SIL1: variants seen among roughly 807,000 people sequenced by gnomAD.
SIL1 encodes the protein SIL1 nucleotide exchange factor, also known as nucleotide exchange factor SIL1.
In SIL1, 40 loss-of-function variants were observed where a neutral mutation model predicts 49.1. That is an observed-to-expected ratio of 0.81 (90% CI 0.63 to 1.06). The LOEUF is 1.06. SIL1 is among the 50% of genes least tolerant of loss of function. The pLI, the probability that SIL1 is intolerant of heterozygous loss-of-function variation, is 0.00. For synonymous variants in SIL1, 253 were observed against 250.8 expected, an observed-to-expected ratio of 1.01 and a Z score of -0.08; for missense variants, 500 against 572.6, an observed-to-expected ratio of 0.87 and a Z score of 1.29.
At chr5:139,115,213 C>G (rs940357809) in intron 3 of SIL1, among the ~76,000 whole-genome samples, 1 of 152,152 alleles carries the variant, frequency 6.6e-6, no homozygotes, top group Non-Finnish European at 1.5e-5. Flanking sequence ...CTTTGCCCCC[C>G]TTAGTCTCAC....
chr5:139,136,203 C>T (rs1400308494), intron 1 of SIL1, among the ~76,000 whole-genome samples: 1 of 152,204 alleles, frequency 6.6e-6, no homozygotes, highest in African/African-American at 2.4e-5. Flanking sequence ...AAGGCTCAAT[C>T]TTTATTTGGA....
chr5:139,075,598 T>C (rs1561852584), intron 3 of SIL1, among the ~76,000 whole-genome samples: 1 of 152,128 alleles, frequency 6.6e-6, no homozygotes, highest in East Asian at 1.9e-4. Flanking sequence ...GAGCATGTCA[T>C]AGGGAATAAA....
At chr5:138,959,118 T>C (rs921814302) in intron 7 of SIL1, among the ~76,000 whole-genome samples, 3 of 152,198 alleles carry the variant, frequency 2.0e-5, no homozygotes, top group South Asian at 2.1e-4. Flanking sequence ...GTACAAGATA[T>C]TGCTCTTTTC....
chr5:139,150,408 A>C (rs1751272983), intron 1 of SIL1, among the ~76,000 whole-genome samples: 1 of 152,022 alleles, frequency 6.6e-6, no homozygotes, highest in Non-Finnish European at 1.5e-5. Flanking sequence ...CCTGTCTTCT[A>C]TCCCCTACTC....
At chr5:138,964,334 G>A (rs1767089467) in intron 7 of SIL1, among the ~76,000 whole-genome samples, 1 of 152,162 alleles carries the variant, frequency 6.6e-6, no homozygotes, top group South Asian at 2.1e-4. Flanking sequence ...ACAGAGACGC[G>A]CAGAGAGCCA....
intron 7 of SIL1, among the ~76,000 whole-genome samples, chr5:138,994,806 A>G (rs985256349): frequency 6.6e-6 from 1 of 152,168 alleles, no homozygotes; most frequent in Non-Finnish European, 1.5e-5. Context: ...TCACCTAGGT[A>G]TTAAGCCCTG....
chr5:139,077,632 C>G (rs1440299575), intron 3 of SIL1, among the ~76,000 whole-genome samples: 1 of 152,156 alleles, frequency 6.6e-6, no homozygotes, highest in Non-Finnish European at 1.5e-5. Context: ...CAAGAACTTT[C>G]CCAAAAGCCT....
intron 7 of SIL1, among the ~76,000 whole-genome samples, chr5:138,971,619 C>T (rs1029101178): frequency 2.6e-5 from 4 of 152,142 alleles, no homozygotes; most frequent in Non-Finnish European, 4.4e-5. Context: ...GGGTCAAGAG[C>T]GGGGATGAGG....
intron 6 of SIL1, 99 bp downstream of exon 6, chr5:139,026,702 G>T: frequency 2.8e-6 from 3 of 1,059,096 alleles, no homozygotes; most frequent in Non-Finnish European, 4.4e-6. Context: ...CTCTGGGAGA[G>T]AAGTAAAGAT....
At chr5:139,103,088 G>A (rs1770628670) in intron 3 of SIL1, among the ~76,000 whole-genome samples, 1 of 152,086 alleles carries the variant, frequency 6.6e-6, no homozygotes, top group African/African-American at 2.4e-5. Flanking sequence ...TCAGCACCCT[G>A]TGAGGCATTA....
chr5:139,128,250 A>G (rs529293872), intron 1 of SIL1, among the ~76,000 whole-genome samples: 12 of 152,330 alleles, frequency 7.9e-5, no homozygotes, highest in African/African-American at 2.9e-4. Context: ...ACCCACTTCT[A>G]AAACACACCC....
intron 1 of SIL1, among the ~76,000 whole-genome samples, chr5:139,146,382 C>T (rs1751197445): frequency 1.3e-5 from 2 of 151,998 alleles, no homozygotes; most frequent in Admixed American, 6.6e-5. Flanking sequence ...CAAAGTGAGA[C>T]CCTGTCTCTA....
intron 3 of SIL1, among the ~76,000 whole-genome samples, chr5:139,057,612 A>G (rs1481822247): frequency 1.3e-5 from 2 of 152,128 alleles, no homozygotes; most frequent in African/African-American, 4.8e-5. Context: ...TTGAACCCCC[A>G]CAGAGGCTGG....
chr5:139,140,781 A>G (rs1751064321), intron 1 of SIL1, among the ~76,000 whole-genome samples: 2 of 152,208 alleles, frequency 1.3e-5, no homozygotes, highest in Admixed American at 1.3e-4. Context: ...AGGATTTTAA[A>G]TGCATTGTTT....
intron 2 of SIL1, among the ~76,000 whole-genome samples, chr5:139,124,870 A>G (rs1750723455): frequency 6.6e-6 from 1 of 152,218 alleles, no homozygotes; most frequent in Admixed American, 6.5e-5. Flanking sequence ...TTTCAAAATC[A>G]CACTGCTCAG....
chr5:139,011,961 T>G (rs1444537983), intron 7 of SIL1, among the ~76,000 whole-genome samples: 1 of 152,210 alleles, frequency 6.6e-6, no homozygotes, highest in Admixed American at 6.5e-5. Flanking sequence ...TATGAAGTCA[T>G]AGCTAGCACT....
intron 5 of SIL1, among the ~76,000 whole-genome samples, chr5:139,027,595 C>G (rs956649966): frequency 6.6e-6 from 1 of 152,204 alleles, no homozygotes; most frequent in Admixed American, 6.5e-5. Flanking sequence ...GTACTATACT[C>G]AAATCTCGAA....
At chr5:138,953,172 A>G (rs1732730553) in intron 7 of SIL1, among the ~76,000 whole-genome samples, 1 of 152,234 alleles carries the variant, frequency 6.6e-6, no homozygotes, top group African/African-American at 2.4e-5. Flanking sequence ...AAGCTCCCAG[A>G]GACCCAAAAA....
chr5:139,056,339 G>A lies in SIL1; in HGVS notation c.245-5293C>T, dbSNP rs542892226. 2.8e-4 allele frequency among the ~76,000 whole-genome samples: 42 copies of A among 151,540 alleles called. No individual in the cohort carries two copies. The East Asian group carries it at 7.9e-3, about 28-fold the overall frequency. On this transcript the variant is annotated intron_variant, in intron 3 of 9. Transcript: ENST00000394817. ...TGCCCTGCCGCCCCGTCTGGGAGGT[G>A]AGGAGCATCTCTGCCCGGCCAACCC...
Sources: allele counts gnomAD v4.1 joint callset (sites outside exome capture counted in the v4.1 genomes callset), GRCh38; gene constraint gnomAD v4.1.1; transcripts MANE v1.5; gene names NCBI Gene and HGNC (gene_info 2026-07-23, HGNC 2026-07-21).